HTR2C: variants seen among roughly 807,000 people sequenced by gnomAD.
The protein encoded by HTR2C is 5-hydroxytryptamine receptor 2C.
A neutral mutation model predicts 21.0 loss-of-function variants in HTR2C; 5 were observed. That is an observed-to-expected ratio of 0.24 (90% CI 0.12 to 0.50). The LOEUF (loss-of-function observed/expected upper bound fraction) is 0.50. HTR2C is among the 20% of genes least tolerant of loss of function. The probability of loss-of-function intolerance (pLI) is 0.98; values close to 1 mark genes in which losing one functional copy is unlikely to be tolerated. For synonymous variants in HTR2C, 150 were observed against 145.3 expected (o/e 1.03, Z -0.23); for missense variants, 271 against 371.2 (o/e 0.73, Z 2.22).
intron 5 of HTR2C, among the ~76,000 whole-genome samples, chrX:114,870,518 G>A (rs1383346397): frequency 9.0e-6 from 1 of 111,393 alleles, no homozygotes; most frequent in African/African-American, 3.3e-5. Context: ...TTAAATGTTT[G>A]GTAGAATTTA....
rs190846771 is a variant in HTR2C at position 114,878,550 on chromosome X, T to G, written c.551-28039T>G. Among the ~76,000 whole-genome samples, 578 of 110,922 alleles carry G rather than the reference T, an allele frequency of 5.2e-3. 4 individuals carry two copies. Among genetic ancestry groups the G allele is most frequent in the African/African-American group, 0.018 (550 of 30,731 alleles). ...TGACTTTTATTTAATTCCAGATAATTTCTAATTTCCCTTGTGATTGCCTCT... is the reference window on the plus strand; with the variant it reads ...TGACTTTTATTTAATTCCAGATAATGTCTAATTTCCCTTGTGATTGCCTCT... On this transcript the variant is annotated intron_variant, in intron 5 of 5. Transcript: ENST00000276198.
intron 4 of HTR2C, among the ~76,000 whole-genome samples, chrX:114,790,136 T>C (rs1204626903): frequency 8.9e-6 from 1 of 111,928 alleles, no homozygotes; most frequent in Non-Finnish European, 1.9e-5. Context: ...TGCATTGTTT[T>C]TGTTATTCAG....
chrX:114,723,685 G>A (rs1331246498), intron 2 of HTR2C, among the ~76,000 whole-genome samples: 1 of 110,449 alleles, frequency 9.1e-6, no homozygotes, highest in African/African-American at 3.3e-5. Context: ...ACACTGCTTT[G>A]AATGCGTCCC....
chrX:114,719,976 A>C (rs1933133329), intron 2 of HTR2C, among the ~76,000 whole-genome samples: 1 of 111,962 alleles, frequency 8.9e-6, no homozygotes, highest in Admixed American at 9.6e-5. Flanking sequence ...ATACATAAAA[A>C]TAAATATTGA....
At chrX:114,745,964 T>C (rs782406276) in intron 4 of HTR2C, among the ~76,000 whole-genome samples, 6 of 112,104 alleles carry the variant, frequency 5.4e-5, no homozygotes, top group Admixed American at 9.4e-5. Flanking sequence ...AAGAGTATAA[T>C]TGGATTGTTT....
intron 4 of HTR2C, among the ~76,000 whole-genome samples, chrX:114,805,731 CATATATACACCATATATACACCT>C (rs2070406454): frequency 1.2e-5 from 1 of 84,831 alleles, no homozygotes; most frequent in Non-Finnish European, 2.2e-5. Flanking sequence ...ATATATACAC[CATATATACACCATATATACACCT>C]ATATATACAC....
chrX:114,662,877 T>C (rs1931040078), intron 2 of HTR2C, among the ~76,000 whole-genome samples: 1 of 111,913 alleles, frequency 8.9e-6, no homozygotes, highest in Admixed American at 9.5e-5. Flanking sequence ...TTTAAAGTAC[T>C]TGTGTAAGTA....
At chrX:114,766,529 C>T (rs987372666) in intron 4 of HTR2C, among the ~76,000 whole-genome samples, 22 of 111,200 alleles carry the variant, frequency 2.0e-4, no homozygotes, top group African/African-American at 7.2e-4. Context: ...AAACATTATG[C>T]GATGAATAAG....
chrX:114,781,890 A>G (rs1174757443), intron 4 of HTR2C, among the ~76,000 whole-genome samples: 2 of 109,934 alleles, frequency 1.8e-5, no homozygotes, highest in African/African-American at 6.6e-5. Flanking sequence ...AGAGAAAGAG[A>G]TTGGGTTAGA....
Position 114,644,388 on chromosome X carries a change from T to A in HTR2C, c.-80+30507T>A, listed in dbSNP as rs868909220. 4.2e-3 allele frequency among the ~76,000 whole-genome samples: 339 copies of A among 81,669 alleles called. 9 individuals carry two copies. Among genetic ancestry groups the A allele is most frequent in the African/African-American group, 0.01 (227 of 21,921 alleles). The allele number at this position is 81,669 out of a possible 115,157, so 70.9% of individuals were successfully genotyped here. On this transcript the variant is annotated intron_variant, in intron 2 of 5. Transcript: ENST00000276198. ...ATATATATATATATATATATATATATATATATATATATATATATATTTCTG... is the reference window on the plus strand; with the variant it reads ...ATATATATATATATATATATATATAAATATATATATATATATATATTTCTG...
rs201377666 is a variant in HTR2C, at chrX:114,698,466, ACACACACAAACACG to A, written c.-79-28383_-79-28370del. ...CACACACACACACACACAAACACAC[ACACACACAAACACG>A]CACACACACAGAGAAATGTTTCACC... On this transcript the variant is annotated intron_variant, in intron 2 of 5. Transcript: ENST00000276198. 0.025 allele frequency among the ~76,000 whole-genome samples: 321 copies of A among 12,706 alleles called. 3 individuals carry two copies. The South Asian group carries it at 0.29, about 12-fold the overall frequency. The allele number at this position is 12,706 out of a possible 115,157, so 11.0% of individuals were successfully genotyped here. A position where few individuals can be genotyped will look rare whatever the true frequency, so the allele number is the denominator to read the frequency against.
intron 2 of HTR2C, among the ~76,000 whole-genome samples, chrX:114,634,558 C>G (rs1929766160): frequency 9.0e-6 from 1 of 110,643 alleles, no homozygotes. Flanking sequence ...ACCTGTAATC[C>G]CAGCACTTCA....
intron 4 of HTR2C, among the ~76,000 whole-genome samples, chrX:114,736,037 T>C (rs377506836): frequency 1.8e-5 from 2 of 108,928 alleles, no homozygotes; most frequent in East Asian, 2.9e-4. Flanking sequence ...GGTGTGAACC[T>C]GGGAGGCGGA....
At chrX:114,674,568 C>T (rs186050531) in intron 2 of HTR2C, among the ~76,000 whole-genome samples, 1 of 111,492 alleles carries the variant, frequency 9.0e-6, no homozygotes, top group East Asian at 2.8e-4. Context: ...AAATATGAAA[C>T]TTTGAAACAT....
chrX:114,833,245 C>A (rs181061313), intron 4 of HTR2C, among the ~76,000 whole-genome samples: 87 of 102,432 alleles, frequency 8.5e-4, no homozygotes, highest in African/African-American at 2.7e-3. Context: ...CCCTCTTTTT[C>A]TATTGATTGG....
At chrX:114,746,028 G>A (rs1456954621) in intron 4 of HTR2C, among the ~76,000 whole-genome samples, 1 of 111,751 alleles carries the variant, frequency 8.9e-6, no homozygotes. Flanking sequence ...TTCATGATGT[G>A]ATTATTATGC....
intron 2 of HTR2C, among the ~76,000 whole-genome samples, chrX:114,615,744 T>C (rs1164786228): frequency 4.5e-5 from 5 of 112,027 alleles, no homozygotes; most frequent in Admixed American, 9.5e-5. Context: ...GTGCCAAATA[T>C]TCACAACTCC....
At chrX:114,773,162 G>T (rs1349622630) in intron 4 of HTR2C, among the ~76,000 whole-genome samples, 4 of 111,982 alleles carry the variant, frequency 3.6e-5, no homozygotes, top group African/African-American at 1.3e-4. Context: ...TGAAAATCAG[G>T]TACACAAGAA....
intron 5 of HTR2C, among the ~76,000 whole-genome samples, chrX:114,851,197 T>C (rs1187948243): frequency 1.8e-5 from 2 of 111,754 alleles, no homozygotes; most frequent in East Asian, 5.6e-4. Flanking sequence ...TTCTCAGCGA[T>C]TGTATGAAAA....
Sources: gnomAD v4.1 joint callset for allele counts (sites outside exome capture counted in the v4.1 genomes callset) on GRCh38, gnomAD v4.1.1 for gene constraint, MANE v1.5 for transcripts, NCBI Gene and HGNC (gene_info 2026-07-23, HGNC 2026-07-21) for gene names.